Variants in PTPRG observed in about 807,000 individuals in gnomAD.
The protein encoded by PTPRG is receptor-type tyrosine-protein phosphatase gamma.
PTPRG carries 102 observed loss-of-function variants against 165.3 expected under a neutral mutation model. The ratio of observed to expected loss-of-function variants is 0.62; its 90% CI spans 0.53 to 0.73. The LOEUF (loss-of-function observed/expected upper bound fraction) is 0.73. Among genes scored for constraint, PTPRG ranks in the 30% least tolerant of loss-of-function variants. The pLI is 0.00. For synonymous variants in PTPRG, 675 were observed against 669.5 expected (o/e 1.01, Z -0.13); for missense variants, 1,866 against 1,861.4 (o/e 1.00, Z -0.05).
intron 5 of PTPRG, among the ~76,000 whole-genome samples, chr3:62,089,491 A>T (rs1285072212): frequency 6.6e-6 from 1 of 152,206 alleles, no homozygotes; most frequent in East Asian, 1.9e-4. Flanking sequence ...AACGTCCATG[A>T]TAGAAATATT....
intron 1 of PTPRG, among the ~76,000 whole-genome samples, chr3:61,694,360 A>G (rs1322605968): frequency 6.6e-6 from 1 of 152,226 alleles, no homozygotes; most frequent in Non-Finnish European, 1.5e-5. Context: ...AGGTAACACT[A>G]TCTCATGTTG....
chr3:62,064,065 C>A (rs1700914922), intron 4 of PTPRG, among the ~76,000 whole-genome samples: 1 of 152,170 alleles, frequency 6.6e-6, no homozygotes, highest in African/African-American at 2.4e-5. Flanking sequence ...CTTCTTCTTA[C>A]AGCAGTGGTG....
Position 62,255,944 on chromosome 3 carries a change from A to G in PTPRG, c.2559+729A>G, listed in dbSNP as rs1701526484. On this transcript the variant is annotated intron_variant, in intron 16 of 29. Transcript: ENST00000474889. This position sits in a 1 kb window ranked among gnomAD's most constrained non-coding sequence, Gnocchi z 4.0. ...GGTTCTGTGCCAGTTCAGCAGTGAC[A>G]GGGTGTCAATGAGGAGCTATTAAAC... Among the ~76,000 whole-genome samples, 1 of 152,134 alleles carries G rather than the reference A, an allele frequency of 6.6e-6. No homozygotes were observed. The highest frequency in any genetic ancestry group is 2.1e-4 in the South Asian group (1 of 4,830).
chr3:61,849,775 C>T lies in PTPRG; in HGVS notation c.190+100793C>T, dbSNP rs527828334. The stretch of plus-strand genomic sequence containing the variant: ...ATCCTGCGTATACCCATAGCAGGTC[C>T]GGAAGGACTGGGGTGCTTAACTACA... On this transcript the variant is annotated intron_variant, in intron 2 of 29. Transcript: ENST00000474889. Among the ~76,000 whole-genome samples, 8 of 152,292 alleles carry T rather than the reference C, an allele frequency of 5.3e-5. No homozygotes were observed. The East Asian group carries it at 1.2e-3, about 22-fold the overall frequency.
chr3:62,062,206 G>A (rs562428799), intron 4 of PTPRG, among the ~76,000 whole-genome samples: 1 of 132,098 alleles, frequency 7.6e-6, no homozygotes, highest in East Asian at 2.0e-4. Flanking sequence ...GGCTGAGGCA[G>A]GAGAATATCT....
chr3:62,010,399 T>C (rs2041394073), intron 4 of PTPRG, among the ~76,000 whole-genome samples: 1 of 152,144 alleles, frequency 6.6e-6, no homozygotes, highest in Non-Finnish European at 1.5e-5. Flanking sequence ...TGTGTGTGTA[T>C]AAGTTCATAA....
chr3:61,996,808 G>A (rs893650426), intron 3 of PTPRG, among the ~76,000 whole-genome samples: 3 of 152,116 alleles, frequency 2.0e-5, no homozygotes, highest in African/African-American at 7.2e-5. Context: ...ATTGAGCTTG[G>A]AGCTATTTCA....
rs1699772627 is a variant in PTPRG at position 61,562,178 on chromosome 3, G to A, written c.-110G>A. 2 of 982,006 alleles carry A rather than the reference G, an allele frequency of 2.0e-6. No individual in the cohort carries two copies. Among genetic ancestry groups the A allele is most frequent in the Non-Finnish European group, 3.2e-6 (2 of 628,964 alleles). The allele number at this position is 982,006 out of a possible 1,614,324, so 60.8% of individuals were successfully genotyped here. ...CCGCCGAGCGCGGGGGGCCCGTGGA[G>A]CGGGCGAGCCGGGGAAGCGCCCCGG... On this transcript the variant is annotated 5_prime_UTR_variant, in exon 1 of 30. Transcript: ENST00000474889.
intron 2 of PTPRG, among the ~76,000 whole-genome samples, chr3:61,893,251 C>CT (rs1377485972): frequency 5.3e-5 from 8 of 152,180 alleles, no homozygotes; most frequent in Non-Finnish European, 5.9e-5. Flanking sequence ...GAAAGATGTT[C>CT]TTGTAGACTT....
intron 1 of PTPRG, among the ~76,000 whole-genome samples, chr3:61,617,333 G>T (rs957295703): frequency 6.6e-6 from 1 of 152,122 alleles, no homozygotes; most frequent in Non-Finnish European, 1.5e-5. Context: ...AGGGTGTGTC[G>T]GTATTTAATG....
intron 2 of PTPRG, among the ~76,000 whole-genome samples, chr3:61,860,836 G>GGT (rs980796279): frequency 6.6e-6 from 1 of 151,672 alleles, no homozygotes; most frequent in African/African-American, 2.4e-5. Context: ...CTTTTCCCAG[G>GGT]GTGTGTGTGT....
At chr3:61,757,638 A>T (rs1434240460) in intron 2 of PTPRG, among the ~76,000 whole-genome samples, 2 of 152,180 alleles carry the variant, frequency 1.3e-5, no homozygotes, top group Admixed American at 1.3e-4. Context: ...GTAAATATTG[A>T]CCCAGCCAAA....
At chr3:61,930,998 T>C (rs989514999) in intron 2 of PTPRG, among the ~76,000 whole-genome samples, 2 of 152,134 alleles carry the variant, frequency 1.3e-5, no homozygotes, top group Non-Finnish European at 2.9e-5. Context: ...GAGGCAGAGG[T>C]TGCAGTGAGC....
At chr3:62,074,933 A>T (rs1193662029) in intron 4 of PTPRG, among the ~76,000 whole-genome samples, 1 of 152,184 alleles carries the variant, frequency 6.6e-6, no homozygotes, top group Non-Finnish European at 1.5e-5. Flanking sequence ...GTATGTTTCA[A>T]TTCACGCATG....
chr3:61,789,028 A>G (rs1429639044), intron 2 of PTPRG, among the ~76,000 whole-genome samples: 1 of 152,000 alleles, frequency 6.6e-6, no homozygotes. Flanking sequence ...TTTTTCTTAC[A>G]TTTAATTTAA....
chr3:62,272,555 G>A (rs1333488185), intron 21 of PTPRG, among the ~76,000 whole-genome samples: 2 of 152,098 alleles, frequency 1.3e-5, no homozygotes, highest in African/African-American at 2.4e-5. Flanking sequence ...TATCTAAGTG[G>A]GGTTTAGGCT....
chr3:61,662,388 G>A (rs1702691200), intron 1 of PTPRG, among the ~76,000 whole-genome samples: 1 of 152,170 alleles, frequency 6.6e-6, no homozygotes, highest in Admixed American at 6.5e-5. Flanking sequence ...CCCACTGATA[G>A]CCATATAAGT....
At chr3:61,624,303 T>A (rs1448157699) in intron 1 of PTPRG, among the ~76,000 whole-genome samples, 2 of 152,138 alleles carry the variant, frequency 1.3e-5, no homozygotes, top group African/African-American at 4.8e-5. Flanking sequence ...AGTCCTTGTA[T>A]TATTAGGCAT....
chr3:61,893,823 C>T (rs757011654), intron 2 of PTPRG, among the ~76,000 whole-genome samples: 3 of 152,136 alleles, frequency 2.0e-5, no homozygotes, highest in Admixed American at 6.5e-5. Flanking sequence ...AGAAACATTT[C>T]GTTTATGCAA....
Sources: gnomAD v4.1 joint callset for allele counts (sites outside exome capture counted in the v4.1 genomes callset) on GRCh38, gnomAD v4.1.1 for gene constraint, Gnocchi (gnomAD v3.1) non-coding constraint, MANE v1.5 for transcripts, NCBI Gene and HGNC (gene_info 2026-07-23, HGNC 2026-07-21) for gene names.